KCNN2: variants seen among roughly 807,000 people sequenced by gnomAD.
KCNN2 encodes potassium calcium-activated channel subfamily N member 2, also known as small conductance calcium-activated potassium channel protein 2.
In KCNN2, 24 loss-of-function variants were observed where a neutral mutation model predicts 55.5. That is an observed-to-expected ratio of 0.43 (90% CI 0.31 to 0.61). The LOEUF (loss-of-function observed/expected upper bound fraction) is 0.61, where lower values mean the gene tolerates loss of function less well. Among genes scored for constraint, KCNN2 ranks in the 20% least tolerant of loss-of-function variants. The probability of loss-of-function intolerance (pLI) is 0.08; values close to 1 mark genes in which losing one functional copy is unlikely to be tolerated. For synonymous variants in KCNN2, 431 were observed against 336.1 expected (o/e 1.28, Z -3.09); for missense variants, 754 against 853.6 (o/e 0.88, Z 1.45).
At chr5:114,422,639 C>G (rs1250118872) in intron 3 of KCNN2, among the ~76,000 whole-genome samples, 1 of 152,076 alleles carries the variant, frequency 6.6e-6, no homozygotes, top group Non-Finnish European at 1.5e-5. Flanking sequence ...CATTCCAAAA[C>G]AAAGCAAAAT....
chr5:114,280,123 C>A (rs555130922), intron 2 of KCNN2, among the ~76,000 whole-genome samples: 1 of 152,278 alleles, frequency 6.6e-6, no homozygotes, highest in East Asian at 1.9e-4. Context: ...TGTTCATATC[C>A]TTTGCCCACT....
Position 114,107,445 on chromosome 5 carries a change from C to T in KCNN2, c.-271+50945C>T, listed in dbSNP as rs111335306. Among the ~76,000 whole-genome samples the T allele has an allele frequency of 2.7e-3, 408 of 152,202 alleles. 2 individuals are homozygous for T. The highest frequency in any genetic ancestry group is 9.1e-3 in the African/African-American group (377 of 41,552). ...CATTGCCCAGGCTGGAGTGCAATGG[C>T]ACAATCATGGCTCGCTGCAGCCTCA... On this transcript the variant is annotated intron_variant, in intron 1 of 10. Transcript: ENST00000512097.
chr5:114,191,568 A>G (rs1238286315), intron 1 of KCNN2, among the ~76,000 whole-genome samples: 2 of 152,146 alleles, frequency 1.3e-5, no homozygotes, highest in Non-Finnish European at 1.5e-5. Flanking sequence ...ACATTTACAA[A>G]TCAAACAGAG....
chr5:114,226,259 CATT>C lies in KCNN2; in HGVS notation c.-185+4697_-185+4699del, dbSNP rs1754235869. Among the ~76,000 whole-genome samples, 3 of 152,064 alleles carry C rather than the reference CATT, an allele frequency of 2.0e-5. No homozygotes were observed. In the South Asian group the frequency reaches 6.2e-4, roughly 32 times the overall value. On this transcript the variant is annotated intron_variant, in intron 2 of 10. Transcript: ENST00000512097. ...TTTTATTTTTTTCAATATTGAATCA[CATT>C]ATATGAGCATTTTTAGAATTGATAG...
chr5:114,062,431 A>G (rs909549428), intron 1 of KCNN2, among the ~76,000 whole-genome samples: 1 of 152,194 alleles, frequency 6.6e-6, no homozygotes, highest in Non-Finnish European at 1.5e-5. Flanking sequence ...TATGTAGGAG[A>G]AAAATAGGTT....
rs142137752 is a variant in KCNN2, at chr5:114,467,207, C to G, written c.1779+4017C>G. ...GCTAAGAGGGTGTTCCAAAACAGCA[C>G]GAATTAGCTAGAGCTCATAAAAAAG... On this transcript the variant is annotated intron_variant, in intron 4 of 7. Transcript: ENST00000673685. Among the ~76,000 whole-genome samples the G allele has an allele frequency of 4.3e-3, 647 of 152,192 alleles. 5 individuals are homozygous for G. The highest frequency in any genetic ancestry group is 0.015 in the African/African-American group (615 of 41,532).
intron 2 of KCNN2, among the ~76,000 whole-genome samples, chr5:114,373,555 T>G (rs1198990886): frequency 1.4e-5 from 2 of 147,074 alleles, no homozygotes; most frequent in Non-Finnish European, 3.0e-5. Flanking sequence ...CTTGGACAGG[T>G]TACTTAATCT....
intron 2 of KCNN2, among the ~76,000 whole-genome samples, chr5:114,259,930 A>C (rs1364568515): frequency 2.0e-5 from 3 of 152,332 alleles, no homozygotes; most frequent in Non-Finnish European, 4.4e-5. Context: ...GGCATCTGAC[A>C]TCTCTAGTCA....
chr5:114,270,273 A>G (rs1370707515), intron 2 of KCNN2, among the ~76,000 whole-genome samples: 2 of 152,242 alleles, frequency 1.3e-5, no homozygotes, highest in Non-Finnish European at 2.9e-5. Flanking sequence ...CTTTAGATAA[A>G]TAATATATTG....
At chr5:114,283,398 T>A (rs1246093140) in intron 2 of KCNN2, among the ~76,000 whole-genome samples, 1 of 152,206 alleles carries the variant, frequency 6.6e-6, no homozygotes, top group South Asian at 2.1e-4. Flanking sequence ...TTTTTGAATC[T>A]TCAGTATCAC....
At chr5:114,173,175 A>T (rs1753070947) in intron 1 of KCNN2, among the ~76,000 whole-genome samples, 1 of 151,938 alleles carries the variant, frequency 6.6e-6, no homozygotes, top group Non-Finnish European at 1.5e-5. Flanking sequence ...AGTGCTATTT[A>T]TTGAAGAAAC....
Position 114,329,481 on chromosome 5 carries a change from C to T in KCNN2, c.-184-31464C>T, listed in dbSNP as rs140780340. 2.7e-3 allele frequency among the ~76,000 whole-genome samples: 408 copies of T among 152,282 alleles called. 2 individuals are homozygous for T. Among genetic ancestry groups the T allele is most frequent in the African/African-American group, 9.4e-3 (392 of 41,568 alleles). On this transcript the variant is annotated intron_variant, in intron 2 of 10. Transcript: ENST00000512097. ...TTTCTCCCATGCTGGTTGCTTCCTG[C>T]CCTCAAACATCAGACTCCAAATTCT...
chr5:114,173,122 A>G (rs1157113806), intron 1 of KCNN2, among the ~76,000 whole-genome samples: 1 of 151,970 alleles, frequency 6.6e-6, no homozygotes, highest in African/African-American at 2.4e-5. Flanking sequence ...ATGGCAAGAG[A>G]TAGGGGCCTA....
chr5:114,399,930 GT>G (rs35266559), intron 2 of KCNN2, among the ~76,000 whole-genome samples: 38 of 129,840 alleles, frequency 2.9e-4, no homozygotes, highest in Middle Eastern at 4.1e-3. Flanking sequence ...TTTTTTTTTT[GT>G]TTTTTTTTTT....
intron 1 of KCNN2, among the ~76,000 whole-genome samples, chr5:114,196,989 T>C (rs1424027353): frequency 6.6e-6 from 1 of 152,112 alleles, no homozygotes; most frequent in East Asian, 1.9e-4. Flanking sequence ...GTTATAAATT[T>C]CACTTTAAGC....
At chr5:114,493,247 T>C in intron 6 of KCNN2, 156 bp from the exon 7 acceptor site, 1 of 701,654 alleles carries the variant, frequency 1.4e-6, no homozygotes, top group South Asian at 1.5e-5. Flanking sequence ...TGCTTCTCAT[T>C]GTACCAGACA....
rs536891587 is a variant in KCNN2, at chr5:114,223,439, A to G, written c.-185+1874A>G. On this transcript the variant is annotated intron_variant, in intron 2 of 10. Transcript: ENST00000512097. ...TTTTTCTTTAGCCATATTTGAAAAC[A>G]TTTCAGTAAAATATATAAATAATAT... 5.4e-4 allele frequency among the ~76,000 whole-genome samples: 82 copies of G among 152,346 alleles called. No homozygotes were observed. In the East Asian group the frequency reaches 7.5e-3, roughly 14 times the overall value.
chr5:114,377,307 T>C (rs1278876617), intron 2 of KCNN2, among the ~76,000 whole-genome samples: 1 of 152,176 alleles, frequency 6.6e-6, no homozygotes, highest in Non-Finnish European at 1.5e-5. Context: ...ATTCCCACTC[T>C]GCCTCTGATC....
At chr5:114,075,368 G>A (rs1750664048) in intron 1 of KCNN2, among the ~76,000 whole-genome samples, 1 of 152,100 alleles carries the variant, frequency 6.6e-6, no homozygotes, top group Non-Finnish European at 1.5e-5. Context: ...AATTTTGGAA[G>A]GAATCCGAAA....
Sources: allele counts gnomAD v4.1 joint callset (sites outside exome capture counted in the v4.1 genomes callset), GRCh38; gene constraint gnomAD v4.1.1; transcripts MANE v1.5; gene names NCBI Gene and HGNC (gene_info 2026-07-23, HGNC 2026-07-21).